The following GNB1 variants were observed in gnomAD, a reference collection of about 807,000 sequenced individuals.
GNB1 encodes G protein subunit beta 1, also known as guanine nucleotide-binding protein G(I)/G(S)/G(T) subunit beta-1.
Under a neutral mutation model 42.9 loss-of-function variants are expected in GNB1, and 2 were observed. The observed-to-expected ratio is 0.05, with a 90% CI of 0.02 to 0.15. The LOEUF (loss-of-function observed/expected upper bound fraction) is 0.15. Among genes scored for constraint, GNB1 ranks in the 10% least tolerant of loss-of-function variants. The pLI is 1.00. For synonymous variants in GNB1, 183 were observed against 174.7 expected (o/e 1.05, Z -0.38); for missense variants, 193 against 462.2 (o/e 0.42, Z 5.34).
intron 8 of GNB1, among the ~76,000 whole-genome samples, chr1:1,793,011 C>T (rs1288805171): frequency 6.6e-6 from 1 of 151,710 alleles, no homozygotes; most frequent in African/African-American, 2.4e-5. Context: ...TGTCGCAGAG[C>T]CAAGATTGAG....
intron 3 of GNB1, among the ~76,000 whole-genome samples, chr1:1,821,732 C>G (rs563118201): frequency 6.6e-6 from 1 of 152,180 alleles, no homozygotes. Flanking sequence ...GTGGCTGCTG[C>G]GCACAGCAAA....
chr1:1,817,841 G>C lies in GNB1; in HGVS notation c.92C>G (p.Ser31Cys), dbSNP rs1391584866. The change falls in exon 4 of 12, where the codon TCT (serine) becomes TGT (cysteine). Residue 31 changes from serine (S) to cysteine (C), a missense_variant. Coordinates refer to ENST00000378609, the MANE Select transcript of GNB1 (RefSeq NM_002074.5). ...ARKACADATL[S>C]QITNNIDPVG... ...CGTGACTCAGTGGGCTCTTACCTGAGAGAGAGTTGCATCTGCACATGCTTT... is the reference window on the plus strand; with the variant it reads ...CGTGACTCAGTGGGCTCTTACCTGACAGAGAGTTGCATCTGCACATGCTTT... 3 of 1,611,406 alleles carry C rather than the reference G, an allele frequency of 1.9e-6. No individual in the cohort carries two copies. The highest frequency in any genetic ancestry group is 1.7e-5 in the Admixed American group (1 of 60,006).
intron 1 of GNB1, among the ~76,000 whole-genome samples, chr1:1,847,248 G>A (rs1048070649): frequency 1.3e-5 from 2 of 152,178 alleles, no homozygotes; most frequent in Non-Finnish European, 2.9e-5. Context: ...AAGGGGAAGA[G>A]ATAAACACCA....
chr1:1,809,189 A>ATTTTT (rs34549355), intron 5 of GNB1, among the ~76,000 whole-genome samples: 2 of 92,700 alleles, frequency 2.2e-5, no homozygotes, highest in South Asian at 6.3e-4. Flanking sequence ...TTCAGATGCA[A>ATTTTT]TTTTTTTTTT....
At chr1:1,875,278 A>G (rs1177472441) in intron 1 of GNB1, among the ~76,000 whole-genome samples, 1 of 151,498 alleles carries the variant, frequency 6.6e-6, no homozygotes, top group Non-Finnish European at 1.5e-5. Flanking sequence ...TGCAACCTCA[A>G]CCTCTCCAGT....
rs1336233223 is a variant in GNB1 at position 1,785,888 on chromosome 1, A to G, written c.*1175T>C. The G allele has an allele frequency of 2.0e-5, 8 of 398,534 alleles. No homozygotes were observed. Among genetic ancestry groups the G allele is most frequent in the Middle Eastern group, 6.2e-4 (1 of 1,610 alleles). The allele number at this position is 398,534 out of a possible 1,614,324, so 24.7% of individuals were successfully genotyped here. A position where few individuals can be genotyped will look rare whatever the true frequency, so the allele number is the denominator to read the frequency against. ...AGCCGCGCGCTGTACTGCTTCCGAT[A>G]TGTGCCACAGAGCAGCAACGAGAAG... On this transcript the variant is annotated 3_prime_UTR_variant, in exon 12 of 12. Coordinates refer to ENST00000378609, the MANE Select transcript of GNB1 (RefSeq NM_002074.5).
intron 2 of GNB1, among the ~76,000 whole-genome samples, chr1:1,830,877 GA>G (rs1647066573): frequency 1.3e-5 from 2 of 152,156 alleles, no homozygotes; most frequent in African/African-American, 4.8e-5. Context: ...AAAGTTACCT[GA>G]TGCAGCCAGG....
chr1:1,830,111 TTTATTCTTCTCA>T (rs1421487811), intron 2 of GNB1, among the ~76,000 whole-genome samples: 2 of 152,022 alleles, frequency 1.3e-5, no homozygotes, highest in African/African-American at 4.8e-5. Context: ...GTTAGCAGCT[TTTATTCTTCTCA>T]TTATTCTTCA....
At chr1:1,884,997 A>C (rs1650067624) in intron 1 of GNB1, among the ~76,000 whole-genome samples, 1 of 151,988 alleles carries the variant, frequency 6.6e-6, no homozygotes, top group African/African-American at 2.4e-5. Context: ...TTCCAATTCT[A>C]ACAGGTGAAT....
intron 1 of GNB1, among the ~76,000 whole-genome samples, chr1:1,842,775 G>T (rs943058409): frequency 2.0e-5 from 3 of 152,194 alleles, no homozygotes; most frequent in Non-Finnish European, 1.5e-5. Context: ...CTTTAAAATG[G>T]TTTATGTTAT....
Position 1,790,599 on chromosome 1 carries a change from G to A in GNB1, c.498-3C>T. On this transcript the variant is annotated splice_polypyrimidine_tract_variant and splice_region_variant and intron_variant, in intron 8 of 11. Coordinates refer to ENST00000378609, the MANE Select transcript of GNB1 (RefSeq NM_002074.5). The surrounding 1 kb of genome is among the most constrained non-coding windows in gnomAD (Gnocchi z 5.4). ...CGGTCTCGATGTCCCACAGGGCACT[G>A]GAGCAGGAGCGAATGACAAGGGGAC... 1 of 1,608,048 alleles carries A rather than the reference G, an allele frequency of 6.2e-7. No homozygotes were observed. Among genetic ancestry groups the A allele is most frequent in the Non-Finnish European group, 8.5e-7 (1 of 1,174,616 alleles).
intron 3 of GNB1, among the ~76,000 whole-genome samples, chr1:1,822,537 G>A (rs1054174192): frequency 6.6e-6 from 1 of 151,968 alleles, no homozygotes; most frequent in South Asian, 2.1e-4. Flanking sequence ...GGATGGTATC[G>A]ATCTCCTGAC....
chr1:1,866,864 G>A (rs919737893), intron 1 of GNB1, among the ~76,000 whole-genome samples: 3 of 152,248 alleles, frequency 2.0e-5, no homozygotes, highest in Non-Finnish European at 2.9e-5. Flanking sequence ...TGAGGCAGGA[G>A]AATGGCGTCA....
intron 5 of GNB1, among the ~76,000 whole-genome samples, chr1:1,811,208 CT>C (rs1341170202): frequency 6.6e-6 from 1 of 151,796 alleles, no homozygotes; most frequent in African/African-American, 2.4e-5. Context: ...ACCTCAGCCT[CT>C]TGAGTGCAGC....
intron 1 of GNB1, among the ~76,000 whole-genome samples, chr1:1,855,073 C>A (rs1044580449): frequency 6.6e-6 from 1 of 151,626 alleles, no homozygotes; most frequent in African/African-American, 2.4e-5. Context: ...GCAGGAGAAT[C>A]GCTTGAACCC....
Position 1,787,412 on chromosome 1 carries a change from G to A in GNB1, c.942C>T (p.Arg314=), listed in dbSNP as rs147191951. Residue 314 remains arginine (R), a synonymous_variant, in exon 11 of 12, where the codon CGC becomes CGT. Transcript: ENST00000378609. The surrounding 1 kb of genome is among the most constrained non-coding windows in gnomAD (Gnocchi z 4.4). ...CGTCAGTCACGCCCAGGCAGCTGAC[G>A]CGGTTGTCATGCCCAGCCAAGACAC... The part of the protein sequence containing the change: ...RAGVLAGHDN[R]VSCLGVTDDG... 93 of 1,612,914 alleles carry A rather than the reference G, an allele frequency of 5.8e-5. No homozygotes were observed. Among genetic ancestry groups the A allele is most frequent in the Non-Finnish European group, 7.0e-5 (82 of 1,179,178 alleles).
intron 2 of GNB1, among the ~76,000 whole-genome samples, chr1:1,831,033 T>TG (rs1353495942): frequency 6.6e-6 from 1 of 152,062 alleles, no homozygotes; most frequent in Non-Finnish European, 1.5e-5. Context: ...GGTGTGGTGA[T>TG]GCGTGCCTGT....
At chr1:1,874,376 A>C (rs1480733105) in intron 1 of GNB1, among the ~76,000 whole-genome samples, 2 of 152,056 alleles carry the variant, frequency 1.3e-5, no homozygotes, top group Non-Finnish European at 2.9e-5. Context: ...TGGGAGGCTG[A>C]GGCGGGCGGA....
intron 1 of GNB1, among the ~76,000 whole-genome samples, chr1:1,843,891 C>T (rs938676393): frequency 6.6e-6 from 1 of 152,036 alleles, no homozygotes; most frequent in African/African-American, 2.4e-5. Flanking sequence ...GAAACCCTCT[C>T]CACTAAAAAT....
Sources: gnomAD v4.1 joint callset for allele counts (sites outside exome capture counted in the v4.1 genomes callset) on GRCh38, gnomAD v4.1.1 for gene constraint, Gnocchi (gnomAD v3.1) non-coding constraint, MANE v1.5 for transcripts, NCBI Gene and HGNC (gene_info 2026-07-23, HGNC 2026-07-21) for gene names.